CDH8: variants seen among roughly 807,000 people sequenced by gnomAD.
The protein encoded by CDH8 is cadherin-8.
CDH8 carries 17 observed loss-of-function variants against 68.1 expected under a neutral mutation model. That is an observed-to-expected ratio of 0.25 (90% CI 0.17 to 0.37). The LOEUF (loss-of-function observed/expected upper bound fraction) is 0.37, where lower values mean the gene tolerates loss of function less well. Ranked by LOEUF, CDH8 falls within the 10% of genes least tolerant of loss-of-function variation. CDH8 has a pLI of 1.00. For missense variants in CDH8, 763 were observed against 999.3 expected, an observed-to-expected ratio of 0.76 and a Z score of 3.19; for synonymous variants, 372 against 365.1, an observed-to-expected ratio of 1.02 and a Z score of -0.21.
chr16:61,707,758 C>G (rs542942981), intron 10 of CDH8, among the ~76,000 whole-genome samples: 17 of 150,194 alleles, frequency 1.1e-4, no homozygotes, highest in African/African-American at 4.2e-4. Flanking sequence ...TATCTTTTTT[C>G]AAAAAAAAAG....
At chr16:61,960,013 T>TATATACACAC (rs1428445364) in intron 2 of CDH8, among the ~76,000 whole-genome samples, 1 of 80,552 alleles carries the variant, frequency 1.2e-5, no homozygotes, top group Non-Finnish European at 2.2e-5. Flanking sequence ...TATATATATA[T>TATATACACAC]ATACACACAT....
intron 3 of CDH8, among the ~76,000 whole-genome samples, chr16:61,889,638 G>A (rs1963739282): frequency 6.6e-6 from 1 of 152,124 alleles, no homozygotes; most frequent in African/African-American, 2.4e-5. Flanking sequence ...AACTCTGTGA[G>A]GTTTACTCCC....
At chr16:61,922,872 T>C (rs1964393371) in intron 2 of CDH8, among the ~76,000 whole-genome samples, 1 of 152,238 alleles carries the variant, frequency 6.6e-6, no homozygotes, top group Admixed American at 6.5e-5. Flanking sequence ...TTTTAAACTT[T>C]ATTCTTATTG....
At chr16:61,755,912 G>C (rs9931582) in intron 8 of CDH8, among the ~76,000 whole-genome samples, 85,628 of 151,760 alleles carry the variant, frequency 0.56, 26,432 homozygotes, top group African/African-American at 0.83. Flanking sequence ...CCTCTGCCTC[G>C]CTGGTTCAAG....
chr16:61,702,807 C>A (rs182720244), intron 10 of CDH8, among the ~76,000 whole-genome samples: 2 of 152,326 alleles, frequency 1.3e-5, no homozygotes, highest in African/African-American at 4.8e-5. Flanking sequence ...GTGGAAAATG[C>A]AGCTTTAGCA....
Position 62,004,603 on chromosome 16 carries a change from C to T in CDH8, c.252+16549G>A, listed in dbSNP as rs576306868. On this transcript the variant is annotated intron_variant, in intron 2 of 11. Transcript: ENST00000577390. ...GGTTTCAGAAATGTATCCTAATCATCGTTTTCTAATTCTGTATAAATGTGT... is the reference window on the plus strand; with the variant it reads ...GGTTTCAGAAATGTATCCTAATCATTGTTTTCTAATTCTGTATAAATGTGT... 6.6e-5 allele frequency among the ~76,000 whole-genome samples: 10 copies of T among 152,298 alleles called. No individual in the cohort carries two copies. The East Asian group carries it at 1.5e-3, about 23-fold the overall frequency.
At chr16:61,804,271 G>A (rs200940017) in intron 7 of CDH8, among the ~76,000 whole-genome samples, 53,560 of 151,558 alleles carry the variant, frequency 0.35, 9,784 homozygotes, top group Middle Eastern at 0.45. Context: ...TAAAACCAAC[G>A]AGAACAAAGA....
chr16:61,678,331 T>C (rs1164028674), intron 10 of CDH8, among the ~76,000 whole-genome samples: 1 of 152,032 alleles, frequency 6.6e-6, no homozygotes, highest in Admixed American at 6.6e-5. Context: ...AATGTTTGGC[T>C]CAGAATAAGT....
At chr16:61,883,993 A>C (rs904989547) in intron 3 of CDH8, among the ~76,000 whole-genome samples, 2 of 152,182 alleles carry the variant, frequency 1.3e-5, no homozygotes, top group African/African-American at 4.8e-5. Context: ...TAAAAAGTGA[A>C]TTTCTGTTAG....
rs149242011 is a variant in CDH8, at chr16:61,759,887, C to T, written c.1414+29459G>A. Among the ~76,000 whole-genome samples, 47 of 152,166 alleles carry T rather than the reference C, an allele frequency of 3.1e-4. No homozygotes were observed. In the East Asian group the frequency reaches 7.7e-3, roughly 25 times the overall value. ...AAGTAATTGAAGATGACAGATGCAACGAATGTTGTGTCAATATCAGAGCTG... is the reference window on the plus strand; with the variant it reads ...AAGTAATTGAAGATGACAGATGCAATGAATGTTGTGTCAATATCAGAGCTG... On this transcript the variant is annotated intron_variant, in intron 8 of 11. Coordinates refer to ENST00000577390, the MANE Select transcript of CDH8 (RefSeq NM_001796.5).
intron 10 of CDH8, among the ~76,000 whole-genome samples, chr16:61,659,329 C>T (rs1192245044): frequency 2.6e-5 from 4 of 152,184 alleles, no homozygotes; most frequent in Non-Finnish European, 5.9e-5. Flanking sequence ...CCACTCCCAT[C>T]CTTCCTTGTC....
At chr16:61,825,208 C>G (rs1368250329) in intron 4 of CDH8, 29 bp from the exon 5 acceptor site, 2 of 1,579,332 alleles carry the variant, frequency 1.3e-6, no homozygotes, top group Admixed American at 3.5e-5. Flanking sequence ...GAATGACTTT[C>G]AGTCACAGAG....
chr16:61,918,079 G>A (rs74247638), intron 2 of CDH8, among the ~76,000 whole-genome samples: 1 of 226 alleles, frequency 4.4e-3, no homozygotes, highest in African/African-American at 0.019. Flanking sequence ...CAACTGTACT[G>A]AGTCATAGAA....
chr16:61,917,086 TG>T (rs1453488394), intron 2 of CDH8, among the ~76,000 whole-genome samples: 2 of 151,486 alleles, frequency 1.3e-5, no homozygotes, highest in African/African-American at 4.9e-5. Flanking sequence ...TGTGTGTGTG[TG>T]TGTGTGTGTG....
At chr16:61,728,297 C>A (rs1959434263) in intron 8 of CDH8, among the ~76,000 whole-genome samples, 1 of 150,454 alleles carries the variant, frequency 6.6e-6, no homozygotes, top group Non-Finnish European at 1.5e-5. Context: ...AAAGTATACA[C>A]CAAATAGCTA....
chr16:61,662,112 T>G lies in CDH8; in HGVS notation c.1655-6391A>C, dbSNP rs140803557. The stretch of plus-strand genomic sequence containing the variant: ...GTTTTTTTTTTTTTTTTTGGTTAAT[T>G]TGTTTGTTTGTTTTATTTGCTGTCA... On this transcript the variant is annotated intron_variant, in intron 10 of 11. Coordinates refer to ENST00000577390, the MANE Select transcript of CDH8 (RefSeq NM_001796.5). 4.7e-5 allele frequency among the ~76,000 whole-genome samples: 7 copies of G among 149,368 alleles called. No individual in the cohort carries two copies. The East Asian group carries it at 1.4e-3, about 29-fold the overall frequency.
intron 8 of CDH8, among the ~76,000 whole-genome samples, chr16:61,770,323 T>C (rs1400160824): frequency 6.6e-6 from 1 of 151,876 alleles, no homozygotes; most frequent in Non-Finnish European, 1.5e-5. Context: ...ATAGAGAGCA[T>C]GAAAGGGCAA....
At chr16:62,003,078 A>C (rs1350242939) in intron 2 of CDH8, among the ~76,000 whole-genome samples, 1 of 152,150 alleles carries the variant, frequency 6.6e-6, no homozygotes, top group Admixed American at 6.6e-5. Context: ...AATGTTTGGC[A>C]CATAATCATC....
At position 61,725,201 on chromosome 16, in the gene CDH8, T is replaced by A. The variant is rs368835048; in HGVS notation, c.1536+1893A>T. ...TTTGCAAAAATCATAAAACAAAGAATCAATTTTTTATTTTGGTTTTGCATA... is the reference window on the plus strand; with the variant it reads ...TTTGCAAAAATCATAAAACAAAGAAACAATTTTTTATTTTGGTTTTGCATA... On this transcript the variant is annotated intron_variant, in intron 9 of 11. Transcript: ENST00000577390. 9.3e-5 allele frequency: 14 copies of A among 150,874 alleles called. 2 individuals are homozygous for A. Among genetic ancestry groups the A allele is most frequent in the East Asian group, 7.8e-4 (4 of 5,134 alleles). 9.3% of individuals were successfully genotyped at this position (150,874 alleles called of 1,614,324 possible). A position where few individuals can be genotyped will look rare whatever the true frequency, so the allele number is the denominator to read the frequency against.
Sources: allele counts gnomAD v4.1 joint callset (sites outside exome capture counted in the v4.1 genomes callset), GRCh38; gene constraint gnomAD v4.1.1; transcripts MANE v1.5; gene names NCBI Gene and HGNC (gene_info 2026-07-23, HGNC 2026-07-21).